The following ACCSL variants were observed in gnomAD, a reference collection of about 807,000 sequenced individuals.
ACCSL encodes the protein probable inactive 1-aminocyclopropane-1-carboxylate synthase-like protein 2.
A neutral mutation model predicts 61.7 loss-of-function variants in ACCSL; 55 were observed. The observed-to-expected ratio is 0.89, with a 90% CI of 0.72 to 1.12. ACCSL has a LOEUF of 1.12. Ranked by LOEUF, ACCSL falls within the 50% of genes most tolerant of loss-of-function variation. ACCSL has a pLI of 0.00. For missense variants in ACCSL, 632 were observed against 698.0 expected (o/e 0.91, Z 1.07); for synonymous variants, 258 against 264.3 (o/e 0.98, Z 0.23).
At chr11:43,985,289 G>A in the ACCSL span, among the ~76,000 whole-genome samples, 2 of 152,194 alleles carry the variant, frequency 1.3e-5, no homozygotes, top group Admixed American at 6.5e-5. Flanking sequence ...GAGAGGTGAT[G>A]TTAGTTAATG....
chr11:43,988,768 A>C, the ACCSL span, among the ~76,000 whole-genome samples: 1 of 149,046 alleles, frequency 6.7e-6, no homozygotes, highest in South Asian at 2.1e-4. Context: ...AAATTCCTCT[A>C]ATCCTAGGAG....
the ACCSL span, among the ~76,000 whole-genome samples, chr11:43,929,395 ATT>A: frequency 9.6e-6 from 1 of 104,138 alleles, no homozygotes; most frequent in Non-Finnish European, 2.2e-5. Flanking sequence ...AATTTTTAAC[ATT>A]TATTTATTTA....
chr11:44,058,563 A>G lies in ACCSL; in HGVS notation c.1488A>G (p.Thr496=). The G allele has an allele frequency of 6.2e-7, 1 of 1,614,120 alleles. No individual in the cohort carries two copies. Among genetic ancestry groups the G allele is most frequent in the Non-Finnish European group, 8.5e-7 (1 of 1,180,016 alleles). ...CTCCCTAGTACCTGGATCCCTGTAC[A>G]TTTGAAGAAGAACGGCTCCTCTATT... is the stretch of plus-strand genomic sequence containing the variant. ...INLKKYLDPC[T]FEEERLLYCR... is the part of the protein sequence containing the mutation. Residue 496 remains threonine, a synonymous_variant, in exon 13 of 14, where the codon ACA becomes ACG. Transcript: ENST00000378832.
the ACCSL span, among the ~76,000 whole-genome samples, chr11:43,949,653 A>G: frequency 6.6e-6 from 1 of 152,150 alleles, no homozygotes; most frequent in Admixed American, 6.5e-5. Context: ...CATCTCTACT[A>G]ATAATACAAA....
the ACCSL span, among the ~76,000 whole-genome samples, chr11:43,954,405 G>T: frequency 2.0e-5 from 3 of 152,196 alleles, no homozygotes; most frequent in Middle Eastern, 3.4e-3. Context: ...CAAAATGGGG[G>T]CGGGGTTATA....
chr11:44,014,745 A>C, the ACCSL span, among the ~76,000 whole-genome samples: 1 of 152,064 alleles, frequency 6.6e-6, no homozygotes, highest in Non-Finnish European at 1.5e-5. Context: ...TCTACATTTG[A>C]GTGACCCTAG....
chr11:44,039,891 C>A, the ACCSL span, among the ~76,000 whole-genome samples: 1 of 152,248 alleles, frequency 6.6e-6, no homozygotes, highest in South Asian at 2.1e-4. Flanking sequence ...AAGCCCACAG[C>A]ACATAGTCAT....
chr11:44,056,031 C>A lies in ACCSL; in HGVS notation c.1140-9C>A. The A allele has an allele frequency of 1.2e-6, 2 of 1,614,166 alleles. No individual in the cohort carries two copies. The highest frequency in any genetic ancestry group is 1.7e-6 in the Non-Finnish European group (2 of 1,180,022). On this transcript the variant is annotated splice_polypyrimidine_tract_variant and intron_variant, in intron 9 of 13. Coordinates refer to ENST00000378832, the MANE Select transcript of ACCSL (RefSeq NM_001031854.2). ...ATAACCTTAGTTAATTTTTCCACTT[C>A]TTCTTCAGTTTGCCTGATAGCAACA...
the ACCSL span, among the ~76,000 whole-genome samples, chr11:43,965,458 TG>T: frequency 6.6e-6 from 1 of 152,210 alleles, no homozygotes; most frequent in South Asian, 2.1e-4. Context: ...AAAGAACACC[TG>T]AGTAAATGGA....
the ACCSL span, among the ~76,000 whole-genome samples, chr11:44,012,188 T>C: frequency 2.0e-5 from 3 of 152,214 alleles, no homozygotes; most frequent in African/African-American, 7.2e-5. Flanking sequence ...TTCCCATTTA[T>C]GCCCACTTTG....
At chr11:44,042,409 G>A in the ACCSL span, among the ~76,000 whole-genome samples, 1 of 152,154 alleles carries the variant, frequency 6.6e-6, no homozygotes, top group East Asian at 1.9e-4. Flanking sequence ...ACTTCATCCA[G>A]ATTGAAGTGT....
At position 44,052,864 on chromosome 11, in the gene ACCSL, G is replaced by A. The variant is rs967500320; in HGVS notation, c.870+105G>A. The A allele has an allele frequency of 9.0e-5, 131 of 1,451,674 alleles. 1 individual carries two copies. The South Asian group carries it at 1.2e-3, about 14-fold the overall frequency. 89.9% of individuals were successfully genotyped at this position (1,451,674 alleles called of 1,614,324 possible). On this transcript the variant is annotated intron_variant, in intron 6 of 13. Transcript: ENST00000378832. ...TGCTTTCTACCCATCTAAGTGGTTG[G>A]GTAGGGGTGGAGAAGGCATGTGGAC...
rs190500805 is a variant in ACCSL at position 44,048,198 on chromosome 11, G to C, written c.162G>C (p.Ser54=). Residue 54 remains serine, a synonymous_variant, in exon 1 of 14, where the codon TCG becomes TCC. Coordinates refer to ENST00000378832, the MANE Select transcript of ACCSL (RefSeq NM_001031854.2). Reference sequence around the variant, plus strand: ...AGCTGACGAGCAGACAGGGCCTGTCGCTGGAGGAAAGGAGGCACACTGAGG... The same window carrying C: ...AGCTGACGAGCAGACAGGGCCTGTCCCTGGAGGAAAGGAGGCACACTGAGG... ...FVQLTSRQGL[S]LEERRHTEAI... 1,131 of 1,614,036 alleles carry C rather than the reference G, an allele frequency of 7.0e-4. 7 individuals are homozygous for C. Among genetic ancestry groups the C allele is most frequent in the Non-Finnish European group, 3.3e-4 (394 of 1,180,044 alleles).
the ACCSL span, among the ~76,000 whole-genome samples, chr11:43,983,855 C>T: frequency 7.2e-5 from 11 of 152,076 alleles, no homozygotes; most frequent in Non-Finnish European, 1.5e-4. Flanking sequence ...GTGGCTCACA[C>T]CTATAATCTC....
chr11:44,052,436 C>G lies in ACCSL; in HGVS notation c.773-226C>G, dbSNP rs143043573. Reference sequence around the variant, plus strand: ...CTCAGTGATATTCTTCCCTCTTCTTCTCTAGTGTACCCGCAAAGAAGAAAC... The same window carrying G: ...CTCAGTGATATTCTTCCCTCTTCTTGTCTAGTGTACCCGCAAAGAAGAAAC... On this transcript the variant is annotated intron_variant, in intron 5 of 13. Transcript: ENST00000378832. Among the ~76,000 whole-genome samples the G allele has an allele frequency of 1.3e-3, 195 of 152,342 alleles. 1 individual carries two copies. Among genetic ancestry groups the G allele is most frequent in the African/African-American group, 4.5e-3 (186 of 41,584 alleles).
the ACCSL span, among the ~76,000 whole-genome samples, chr11:43,991,530 A>T: frequency 3.3e-5 from 5 of 152,120 alleles, no homozygotes; most frequent in South Asian, 2.1e-4. Flanking sequence ...GTGGTGGCTC[A>T]CACCTGTAAT....
the ACCSL span, among the ~76,000 whole-genome samples, chr11:44,006,628 C>T: frequency 6.6e-6 from 1 of 151,452 alleles, no homozygotes; most frequent in African/African-American, 2.4e-5. Context: ...GCCTCAGCCT[C>T]CTGAGTAGCT....
At chr11:44,027,975 C>T in the ACCSL span, among the ~76,000 whole-genome samples, 3 of 152,202 alleles carry the variant, frequency 2.0e-5, no homozygotes, top group East Asian at 1.9e-4. Flanking sequence ...GACCAGTCTG[C>T]ACAACAGAGT....
chr11:44,048,276 C>A lies in ACCSL; in HGVS notation c.240C>A (p.Asn80Lys). ...LLSRLICRMI[N>K]LLQSGAASGL... Reference sequence around the variant, plus strand: ...GTCGCTTAATATGCCGGATGATCAACCTCCTACAGTCTGGGGCCGCGAGTG... The same window carrying A: ...GTCGCTTAATATGCCGGATGATCAAACTCCTACAGTCTGGGGCCGCGAGTG... The change falls in exon 1 of 14, where the codon AAC (asparagine) becomes AAA (lysine). Residue 80 changes from asparagine to lysine, a missense_variant. Physicochemically the swap from Asn to Lys is moderately conservative, Grantham distance 94. Coordinates refer to ENST00000378832, the MANE Select transcript of ACCSL (RefSeq NM_001031854.2). The A allele has an allele frequency of 6.2e-7, 1 of 1,614,130 alleles. No individual in the cohort carries two copies. Among genetic ancestry groups the A allele is most frequent in the Non-Finnish European group, 8.5e-7 (1 of 1,180,012 alleles).
Sources: gnomAD v4.1 joint callset for allele counts (sites outside exome capture counted in the v4.1 genomes callset) on GRCh38, gnomAD v4.1.1 for gene constraint, MANE v1.5 for transcripts, NCBI Gene and HGNC (gene_info 2026-07-23, HGNC 2026-07-21) for gene names.